KCNIP4: variants seen among roughly 807,000 people sequenced by gnomAD.
KCNIP4 encodes potassium voltage-gated channel interacting protein 4.
A neutral mutation model predicts 34.0 loss-of-function variants in KCNIP4; 12 were observed. The observed-to-expected ratio is 0.35, with a 90% CI of 0.23 to 0.57. The LOEUF is 0.57. Among genes scored for constraint, KCNIP4 ranks in the 20% least tolerant of loss-of-function variants. The pLI, the probability that KCNIP4 is intolerant of heterozygous loss-of-function variation, is 0.83. For synonymous variants in KCNIP4, 124 were observed against 102.2 expected (o/e 1.21, Z -1.29); for missense variants, 238 against 311.7 (o/e 0.76, Z 1.78).
intron 1 of KCNIP4, among the ~76,000 whole-genome samples, chr4:20,892,881 A>G (rs1242635415): frequency 2.0e-5 from 3 of 152,228 alleles, no homozygotes. Context: ...AGATTGACCA[A>G]TTGAACCTCA....
intron 2 of KCNIP4, among the ~76,000 whole-genome samples, chr4:20,873,081 G>T (rs114930403): frequency 1.3e-5 from 2 of 151,782 alleles, no homozygotes; most frequent in South Asian, 4.1e-4. Context: ...TTCCAATTAC[G>T]CACAATTCCA....
In KCNIP4 at chr4:21,513,542, A is replaced by G. The variant is rs16871308; in HGVS notation, c.61+435029T>C. Among the ~76,000 whole-genome samples, 1,106 of 152,320 alleles carry G rather than the reference A, an allele frequency of 7.3e-3. 16 individuals are homozygous for G. The highest frequency in any genetic ancestry group is 0.025 in the African/African-American group (1,046 of 41,572). On this transcript the variant is annotated intron_variant, in intron 1 of 8. Transcript: ENST00000382152. The stretch of plus-strand genomic sequence containing the variant: ...GGTTTGAATCCTAGATCTGCCTCTT[A>G]CTATCTGCAGGATTGTGTTCAATGT...
intron 1 of KCNIP4, among the ~76,000 whole-genome samples, chr4:20,921,282 T>C (rs1467393366): frequency 6.6e-6 from 1 of 152,124 alleles, no homozygotes; most frequent in Admixed American, 6.5e-5. Flanking sequence ...AGTGAGAGCG[T>C]GGAGGATGAG....
rs190968594 is a variant in KCNIP4 at position 21,448,554 on chromosome 4, G to C, written c.61+500017C>G. 2.6e-5 allele frequency among the ~76,000 whole-genome samples: 4 copies of C among 152,192 alleles called. No individual in the cohort carries two copies. In the East Asian group the frequency reaches 7.7e-4, roughly 29 times the overall value. The stretch of plus-strand genomic sequence containing the variant: ...CATGGCTTATAGTAAAACGAGAGAA[G>C]AAAGAAATAAGTTGAGGAAGAAACT... On this transcript the variant is annotated intron_variant, in intron 1 of 8. Transcript: ENST00000382152.
chr4:21,148,089 A>T (rs1172519989), intron 1 of KCNIP4, among the ~76,000 whole-genome samples: 1 of 152,142 alleles, frequency 6.6e-6, no homozygotes, highest in Non-Finnish European at 1.5e-5. Flanking sequence ...ATACTCAGTG[A>T]ATCTCTTCAT....
intron 1 of KCNIP4, among the ~76,000 whole-genome samples, chr4:21,118,407 T>C (rs1048976900): frequency 7.2e-5 from 11 of 152,174 alleles, no homozygotes; most frequent in Admixed American, 3.9e-4. Context: ...AAAGCAGTCA[T>C]AGAAGATGCT....
chr4:21,905,065 C>A (rs1727916792), intron 1 of KCNIP4, among the ~76,000 whole-genome samples: 1 of 152,140 alleles, frequency 6.6e-6, no homozygotes. Flanking sequence ...GCATTGGTGA[C>A]AGTAAAGAAA....
At chr4:21,636,265 A>G (rs1384727805) in intron 1 of KCNIP4, among the ~76,000 whole-genome samples, 5 of 151,266 alleles carry the variant, frequency 3.3e-5, no homozygotes, top group Admixed American at 2.0e-4. Flanking sequence ...CAATGTGCAC[A>G]TGTACCCTAG....
At chr4:20,794,464 T>C (rs896263304) in intron 3 of KCNIP4, among the ~76,000 whole-genome samples, 6 of 152,202 alleles carry the variant, frequency 3.9e-5, no homozygotes, top group African/African-American at 1.4e-4. Context: ...TGTATGTTAA[T>C]TATACCTCAA....
At chr4:21,558,852 T>G (rs911287798) in intron 1 of KCNIP4, among the ~76,000 whole-genome samples, 3 of 152,212 alleles carry the variant, frequency 2.0e-5, no homozygotes, top group African/African-American at 7.2e-5. Flanking sequence ...GGCAAGTAGC[T>G]TTTGAACTGT....
intron 1 of KCNIP4, among the ~76,000 whole-genome samples, chr4:21,920,193 C>T (rs971254298): frequency 6.6e-6 from 1 of 152,046 alleles, no homozygotes; most frequent in African/African-American, 2.4e-5. Flanking sequence ...TCAAATCATA[C>T]CAAAATAGAC....
intron 1 of KCNIP4, among the ~76,000 whole-genome samples, chr4:21,781,774 A>C (rs1404022975): frequency 1.3e-5 from 2 of 152,146 alleles, no homozygotes; most frequent in Non-Finnish European, 2.9e-5. Flanking sequence ...TATATACATG[A>C]GATATTAAAA....
At chr4:20,731,896 C>T (rs1748344972) in intron 8 of KCNIP4, 110 bp downstream of exon 8, 2 of 1,494,702 alleles carry the variant, frequency 1.3e-6, no homozygotes, top group Non-Finnish European at 8.9e-7. Flanking sequence ...AAGTGGTAAA[C>T]TTAGGCATAT....
intron 1 of KCNIP4, among the ~76,000 whole-genome samples, chr4:21,634,914 C>G (rs890430548): frequency 2.0e-5 from 3 of 152,086 alleles, no homozygotes; most frequent in Non-Finnish European, 2.9e-5. Context: ...AGAATAGCAA[C>G]TGATGCACTG....
intron 1 of KCNIP4, among the ~76,000 whole-genome samples, chr4:21,783,637 T>C (rs1176387703): frequency 6.6e-6 from 1 of 152,178 alleles, no homozygotes; most frequent in African/African-American, 2.4e-5. Flanking sequence ...AAAAAGGACA[T>C]TTAAGCATAA....
chr4:20,910,497 G>C (rs1728225123), intron 1 of KCNIP4, among the ~76,000 whole-genome samples: 1 of 152,080 alleles, frequency 6.6e-6, no homozygotes, highest in South Asian at 2.1e-4. Flanking sequence ...TGAAACATGG[G>C]GCTGAACATG....
chr4:20,884,124 C>A (rs1725020641), intron 1 of KCNIP4, among the ~76,000 whole-genome samples: 1 of 152,102 alleles, frequency 6.6e-6, no homozygotes, highest in African/African-American at 2.4e-5. Context: ...AACAGAAGGT[C>A]AATAAATGCC....
At chr4:21,097,088 T>C (rs1747524215) in intron 1 of KCNIP4, among the ~76,000 whole-genome samples, 1 of 152,182 alleles carries the variant, frequency 6.6e-6, no homozygotes, top group Admixed American at 6.5e-5. Flanking sequence ...CAATTCCATT[T>C]CTAGCTATCT....
chr4:21,776,087 T>C (rs914079437), intron 1 of KCNIP4, among the ~76,000 whole-genome samples: 2 of 152,188 alleles, frequency 1.3e-5, no homozygotes, highest in Non-Finnish European at 2.9e-5. Context: ...GCAAGTGGGA[T>C]CTTCCAATCC....
Sources: allele counts gnomAD v4.1 joint callset (sites outside exome capture counted in the v4.1 genomes callset), GRCh38; gene constraint gnomAD v4.1.1; transcripts MANE v1.5; gene names NCBI Gene and HGNC (gene_info 2026-07-23, HGNC 2026-07-21).